ADCY9: variants seen among roughly 807,000 people sequenced by gnomAD.
ADCY9 encodes adenylate cyclase type 9.
A neutral mutation model predicts 101.5 loss-of-function variants in ADCY9; 50 were observed. The ratio of observed to expected loss-of-function variants is 0.49; its 90% CI spans 0.39 to 0.62. The LOEUF is 0.62. Among genes scored for constraint, ADCY9 ranks in the 20% least tolerant of loss-of-function variants. The probability of loss-of-function intolerance (pLI) is 0.00; values close to 1 mark genes in which losing one functional copy is unlikely to be tolerated. For synonymous variants in ADCY9, 905 were observed against 769.3 expected (o/e 1.18, Z -2.92); for missense variants, 1,662 against 1,800.4 (o/e 0.92, Z 1.39).
rs1376826230 is a variant in ADCY9, at chr16:4,059,330, G to A, written c.1694-51772C>T. On this transcript the variant is annotated intron_variant, in intron 2 of 10. Transcript: ENST00000294016. Reference sequence around the variant, plus strand: ...TGGAAGGCAGAGGCTGCAGTGAGCCGAGATCATGCCACTGCACTCCAGCCT... The same window carrying A: ...TGGAAGGCAGAGGCTGCAGTGAGCCAAGATCATGCCACTGCACTCCAGCCT... 2.9e-5 allele frequency among the ~76,000 whole-genome samples: 4 copies of A among 139,826 alleles called. No individual in the cohort carries two copies. In the East Asian group the frequency reaches 8.3e-4, roughly 29 times the overall value. 91.7% of individuals were successfully genotyped at this position (139,826 alleles called of 152,430 possible). A position where few individuals can be genotyped will look rare whatever the true frequency, so the allele number is the denominator to read the frequency against.
chr16:4,023,233 T>C (rs2056490183), intron 2 of ADCY9, among the ~76,000 whole-genome samples: 1 of 152,202 alleles, frequency 6.6e-6, no homozygotes, highest in Admixed American at 6.5e-5. Context: ...ACTGTGAACA[T>C]GGCGTCCATC....
At chr16:4,043,586 A>G (rs1042104732) in intron 2 of ADCY9, among the ~76,000 whole-genome samples, 1 of 152,068 alleles carries the variant, frequency 6.6e-6, no homozygotes, top group African/African-American at 2.4e-5. Context: ...TCTACTTGGG[A>G]GGCCGAGGCA....
chr16:3,995,677 A>G (rs1354198290), intron 3 of ADCY9, among the ~76,000 whole-genome samples: 1 of 151,628 alleles, frequency 6.6e-6, no homozygotes, highest in East Asian at 1.9e-4. Flanking sequence ...AAATTATGGG[A>G]GGCCAGATAT....
chr16:4,067,321 C>CA (rs2056806682), intron 2 of ADCY9, among the ~76,000 whole-genome samples: 1 of 152,178 alleles, frequency 6.6e-6, no homozygotes, highest in East Asian at 1.9e-4. Flanking sequence ...AACACCAGCT[C>CA]ACAAGGATAG....
chr16:3,981,135 A>G (rs573498121), intron 7 of ADCY9, among the ~76,000 whole-genome samples: 1 of 152,290 alleles, frequency 6.6e-6, no homozygotes, highest in African/African-American at 2.4e-5. Flanking sequence ...ATTCCTGGTA[A>G]ATGGAACCAA....
At chr16:4,020,912 C>G (rs988014173) in intron 2 of ADCY9, among the ~76,000 whole-genome samples, 1 of 151,674 alleles carries the variant, frequency 6.6e-6, no homozygotes, top group Non-Finnish European at 1.5e-5. Context: ...AACAAAAGAG[C>G]TGGAAACATT....
chr16:3,968,689 C>T (rs2056020863), intron 10 of ADCY9, among the ~76,000 whole-genome samples: 1 of 152,168 alleles, frequency 6.6e-6, no homozygotes, highest in Non-Finnish European at 1.5e-5. Flanking sequence ...GGGCCCGAGT[C>T]TGTCTTTTCT....
intron 2 of ADCY9, among the ~76,000 whole-genome samples, chr16:4,111,475 T>C (rs2057113573): frequency 6.6e-6 from 1 of 152,174 alleles, no homozygotes. Flanking sequence ...AAAATCGATC[T>C]TACATGTAGA....
intron 2 of ADCY9, among the ~76,000 whole-genome samples, chr16:4,076,796 G>T (rs1335378429): frequency 6.6e-6 from 1 of 152,044 alleles, no homozygotes; most frequent in African/African-American, 2.4e-5. Flanking sequence ...CAGCCTCCTG[G>T]CTGGGGGCGG....
chr16:4,001,209 G>T (rs560128036), intron 3 of ADCY9, among the ~76,000 whole-genome samples: 1 of 152,130 alleles, frequency 6.6e-6, no homozygotes, highest in Admixed American at 6.5e-5. Flanking sequence ...TTGCTGTTCG[G>T]GTCTCCTCTA....
At chr16:4,082,936 T>G (rs2056914644) in intron 2 of ADCY9, among the ~76,000 whole-genome samples, 1 of 152,164 alleles carries the variant, frequency 6.6e-6, no homozygotes, top group African/African-American at 2.4e-5. Context: ...AAATAAGACA[T>G]GCAGGATTGG....
chr16:4,036,690 G>A (rs1209427218), intron 2 of ADCY9, among the ~76,000 whole-genome samples: 1 of 152,036 alleles, frequency 6.6e-6, no homozygotes, highest in African/African-American at 2.4e-5. Context: ...TCGAACTCCT[G>A]ACCTCAGGTG....
At chr16:4,026,923 G>A (rs1025097452) in intron 2 of ADCY9, among the ~76,000 whole-genome samples, 1 of 152,168 alleles carries the variant, frequency 6.6e-6, no homozygotes, top group African/African-American at 2.4e-5. Context: ...AAGGATCAGA[G>A]GCTACTACTC....
chr16:3,997,620 G>T (rs2056297531), intron 3 of ADCY9, among the ~76,000 whole-genome samples: 3 of 152,232 alleles, frequency 2.0e-5, no homozygotes, highest in Non-Finnish European at 4.4e-5. Flanking sequence ...CCACGCTCGG[G>T]CCTCCTGAGG....
chr16:4,098,229 GTTTTGT>G (rs924061589), intron 2 of ADCY9, among the ~76,000 whole-genome samples: 4 of 151,196 alleles, frequency 2.6e-5, no homozygotes, highest in African/African-American at 9.7e-5. Flanking sequence ...TTTTTGTTTT[GTTTTGT>G]TTTTGTTTTT....
intron 2 of ADCY9, among the ~76,000 whole-genome samples, chr16:4,052,016 A>G (rs2056704979): frequency 6.6e-6 from 1 of 152,214 alleles, no homozygotes; most frequent in African/African-American, 2.4e-5. Context: ...CAACCAAATG[A>G]TAAGTTAACT....
chr16:4,068,298 T>G (rs1162884891), intron 2 of ADCY9, among the ~76,000 whole-genome samples: 1 of 151,944 alleles, frequency 6.6e-6, no homozygotes, highest in East Asian at 1.9e-4. Flanking sequence ...AATCTGGTTT[T>G]TCTAATAATA....
At chr16:4,036,911 T>C (rs1170688540) in intron 2 of ADCY9, among the ~76,000 whole-genome samples, 5 of 152,152 alleles carry the variant, frequency 3.3e-5, no homozygotes, top group African/African-American at 1.2e-4. Flanking sequence ...CCACTCACCC[T>C]TCCCAGCCTC....
Position 3,966,168 on chromosome 16 carries a change from G to A in ADCY9, c.3669C>T (p.Phe1223=), listed in dbSNP as rs376191720. ...TGACATTCACGGTCCCTCTGTAGTC[G>A]AAGTCATAGCCCATCTTGCTCAAGA... ...YRVLSKMGYD[F]DYRGTVNVKG... is the part of the protein sequence containing the mutation. Residue 1223 remains phenylalanine, a synonymous_variant, in exon 11 of 11, where the codon TTC becomes TTT. Coordinates refer to ENST00000294016, the MANE Select transcript of ADCY9 (RefSeq NM_001116.4). The A allele has an allele frequency of 1.9e-6, 3 of 1,614,178 alleles. No individual in the cohort carries two copies. Among genetic ancestry groups the A allele is most frequent in the South Asian group, 1.1e-5 (1 of 91,076 alleles).
Sources: allele counts gnomAD v4.1 joint callset (sites outside exome capture counted in the v4.1 genomes callset), GRCh38; gene constraint gnomAD v4.1.1; transcripts MANE v1.5; gene names NCBI Gene and HGNC (gene_info 2026-07-23, HGNC 2026-07-21).